Variants in IMMP2L observed in about 807,000 individuals in gnomAD.
The protein encoded by IMMP2L is mitochondrial inner membrane protease subunit 2.
A neutral mutation model predicts 19.3 loss-of-function variants in IMMP2L; 18 were observed. The ratio of observed to expected loss-of-function variants is 0.93; its 90% CI spans 0.64 to 1.38. The LOEUF is 1.38. Among genes scored for constraint, IMMP2L ranks in the 40% most tolerant of loss-of-function variants. The probability of loss-of-function intolerance (pLI) is 0.00; values close to 1 mark genes in which losing one functional copy is unlikely to be tolerated. For missense variants in IMMP2L, 233 were observed against 218.2 expected (o/e 1.07, Z -0.43); for synonymous variants, 76 against 73.0 (o/e 1.04, Z -0.21).
intron 3 of IMMP2L, among the ~76,000 whole-genome samples, chr7:111,465,131 AC>A (rs1840506321): frequency 6.6e-6 from 1 of 152,024 alleles, no homozygotes; most frequent in South Asian, 2.1e-4. Flanking sequence ...TATGTAAACT[AC>A]CCATTGTCCA....
chr7:111,320,506 A>G (rs1824571082), intron 3 of IMMP2L, among the ~76,000 whole-genome samples: 1 of 152,072 alleles, frequency 6.6e-6, no homozygotes, highest in Admixed American at 6.6e-5. Context: ...TAATCTTTCT[A>G]AAACATTTTA....
chr7:110,971,436 G>C (rs1044237546), intron 3 of IMMP2L, among the ~76,000 whole-genome samples: 1 of 152,044 alleles, frequency 6.6e-6, no homozygotes, highest in Non-Finnish European at 1.5e-5. Context: ...GTTAGTAAAG[G>C]AACCTTTACA....
intron 3 of IMMP2L, among the ~76,000 whole-genome samples, chr7:111,257,820 A>T (rs959923859): frequency 6.6e-6 from 1 of 151,886 alleles, no homozygotes; most frequent in Non-Finnish European, 1.5e-5. Context: ...TCTAGGGTAC[A>T]TGTGCATAAA....
At chr7:110,876,739 T>C (rs1585108682) in intron 5 of IMMP2L, among the ~76,000 whole-genome samples, 1 of 152,138 alleles carries the variant, frequency 6.6e-6, no homozygotes, top group South Asian at 2.1e-4. Flanking sequence ...AATAGTATTA[T>C]CAAATAATTG....
chr7:110,686,626 C>T (rs538254561), intron 5 of IMMP2L, among the ~76,000 whole-genome samples: 1 of 152,116 alleles, frequency 6.6e-6, no homozygotes, highest in East Asian at 1.9e-4. Flanking sequence ...TCAACTGTAA[C>T]CTCAGAGCCA....
chr7:111,042,313 G>A (rs1369550689), intron 3 of IMMP2L, among the ~76,000 whole-genome samples: 2 of 152,064 alleles, frequency 1.3e-5, no homozygotes, highest in African/African-American at 4.8e-5. Flanking sequence ...CTGAGTAGCT[G>A]GGATTCCAGG....
At chr7:110,824,216 G>T (rs996973637) in intron 5 of IMMP2L, among the ~76,000 whole-genome samples, 6 of 151,880 alleles carry the variant, frequency 4.0e-5, no homozygotes, top group African/African-American at 1.2e-4. Context: ...ATATGAAAGG[G>T]TATGAAATGA....
At chr7:110,788,747 GATTGTGTAGTCCAA>G (rs1800260319) in intron 5 of IMMP2L, among the ~76,000 whole-genome samples, 1 of 151,694 alleles carries the variant, frequency 6.6e-6, no homozygotes, top group Non-Finnish European at 1.5e-5. Flanking sequence ...CATGATGGTG[GATTGTGTAGTCCAA>G]AGAGGGCTGC....
chr7:111,158,126 CT>C (rs1431951425), intron 3 of IMMP2L, among the ~76,000 whole-genome samples: 1 of 151,746 alleles, frequency 6.6e-6, no homozygotes, highest in Non-Finnish European at 1.5e-5. Flanking sequence ...AAAAATAATA[CT>C]TTATTATATT....
chr7:111,145,939 C>T (rs1436190430), intron 3 of IMMP2L, among the ~76,000 whole-genome samples: 2 of 152,064 alleles, frequency 1.3e-5, no homozygotes, highest in Admixed American at 6.6e-5. Context: ...CATCATTCAA[C>T]GCCCATTCAG....
chr7:111,347,021 A>G (rs1221804722), intron 3 of IMMP2L, among the ~76,000 whole-genome samples: 2 of 152,104 alleles, frequency 1.3e-5, no homozygotes, highest in Non-Finnish European at 2.9e-5. Context: ...ACTAATCACT[A>G]ATGTGATTGA....
intron 3 of IMMP2L, among the ~76,000 whole-genome samples, chr7:110,991,324 G>A (rs555353106): frequency 5.9e-5 from 9 of 152,148 alleles, no homozygotes; most frequent in East Asian, 1.9e-4. Context: ...ATATTTAACC[G>A]ATTAACATGT....
intron 5 of IMMP2L, among the ~76,000 whole-genome samples, chr7:110,878,931 A>G (rs1002081242): frequency 2.6e-5 from 4 of 152,182 alleles, no homozygotes; most frequent in African/African-American, 9.6e-5. Context: ...TATTTCATTT[A>G]ACAGTTTGCT....
intron 3 of IMMP2L, among the ~76,000 whole-genome samples, chr7:111,036,658 T>C (rs892876296): frequency 3.9e-5 from 6 of 152,128 alleles, no homozygotes; most frequent in Non-Finnish European, 8.8e-5. Context: ...AGAAGCAAAC[T>C]GGAATTTTAT....
chr7:110,793,125 G>C (rs1280099617), intron 5 of IMMP2L, among the ~76,000 whole-genome samples: 2 of 152,034 alleles, frequency 1.3e-5, no homozygotes. Context: ...AATCACCCCT[G>C]AAGAACTTAT....
At chr7:111,170,087 G>C (rs1222831855) in intron 3 of IMMP2L, among the ~76,000 whole-genome samples, 1 of 151,820 alleles carries the variant, frequency 6.6e-6, no homozygotes, top group East Asian at 1.9e-4. Context: ...ATACATTCAA[G>C]TAACAGTTGA....
intron 2 of IMMP2L, among the ~76,000 whole-genome samples, chr7:111,494,254 T>C (rs116857698): frequency 0.012 from 1,795 of 152,286 alleles, 12 homozygotes; most frequent in South Asian, 0.035. Context: ...TATTTGATTG[T>C]ATCAGATATT....
chr7:110,794,842 TTAA>T (rs761893242), intron 5 of IMMP2L, among the ~76,000 whole-genome samples: 33 of 152,096 alleles, frequency 2.2e-4, no homozygotes, highest in Non-Finnish European at 2.6e-4. Context: ...CATATATTCA[TTAA>T]TAATAATGAA....
At chr7:111,383,800 C>G (rs1159361698) in intron 3 of IMMP2L, among the ~76,000 whole-genome samples, 1 of 152,020 alleles carries the variant, frequency 6.6e-6, no homozygotes, top group Non-Finnish European at 1.5e-5. Flanking sequence ...TCTCACTCTG[C>G]CCCTCCTGAA....
Sources: gnomAD v4.1 joint callset for allele counts (sites outside exome capture counted in the v4.1 genomes callset) on GRCh38, gnomAD v4.1.1 for gene constraint, MANE v1.5 for transcripts, NCBI Gene and HGNC (gene_info 2026-07-23, HGNC 2026-07-21) for gene names.